The following ZBTB20 variants were observed in gnomAD, a reference collection of about 807,000 sequenced individuals.
ZBTB20 encodes zinc finger and BTB domain-containing protein 20.
In ZBTB20, 9 loss-of-function variants were observed where a neutral mutation model predicts 56.9. The observed-to-expected ratio is 0.16, with a 90% confidence interval of 0.10 to 0.28. The LOEUF is 0.28. ZBTB20 is among the 10% of genes least tolerant of loss of function. The pLI, the probability that ZBTB20 is intolerant of heterozygous loss-of-function variation, is 1.00. For missense variants in ZBTB20, 655 were observed against 1,003.0 expected, an observed-to-expected ratio of 0.65 and a Z score of 4.69; for synonymous variants, 417 against 420.7, an observed-to-expected ratio of 0.99 and a Z score of 0.11.
At chr3:114,710,003 ATG>A (rs2063959174) in intron 5 of ZBTB20, among the ~76,000 whole-genome samples, 1 of 152,098 alleles carries the variant, frequency 6.6e-6, no homozygotes, top group African/African-American at 2.4e-5. Context: ...TCACCTTCCT[ATG>A]AATTCACATT....
intron 2 of ZBTB20, among the ~76,000 whole-genome samples, chr3:114,978,437 A>ATTTTAGTGATAAATAAAATATTTTAGT (rs1553872729): frequency 1.5e-4 from 23 of 151,492 alleles, no homozygotes; most frequent in Admixed American, 9.9e-4. Context: ...AAAATATTTT[A>ATTTTAGTGATAAATAAAATATTTTAGT]GAATAGTGAA....
intron 4 of ZBTB20, among the ~76,000 whole-genome samples, chr3:114,895,167 A>G (rs1376884421): frequency 6.6e-6 from 1 of 152,188 alleles, no homozygotes; most frequent in Non-Finnish European, 1.5e-5. Context: ...TTTGCATAGA[A>G]GGAAATCAGA....
intron 3 of ZBTB20, among the ~76,000 whole-genome samples, chr3:114,939,261 C>T (rs923973748): frequency 1.9e-4 from 28 of 146,472 alleles, no homozygotes; most frequent in Admixed American, 1.1e-3. Context: ...CAAAGATGCT[C>T]ATCGCAGTCT....
chr3:114,904,379 A>G (rs2107681314), intron 3 of ZBTB20: 1 of 152,150 alleles, frequency 6.6e-6, no homozygotes, highest in Admixed American at 6.6e-5. Context: ...CTAAATTTAA[A>G]CAAAAAGAAT....
chr3:114,589,502 A>G (rs1230767454), intron 6 of ZBTB20, among the ~76,000 whole-genome samples: 1 of 152,132 alleles, frequency 6.6e-6, no homozygotes, highest in Non-Finnish European at 1.5e-5. Flanking sequence ...ATCTTTCCTG[A>G]CAACCTCAGG....
intron 10 of ZBTB20, chr3:114,366,755 T>C (rs963374655): frequency 3.3e-5 from 5 of 152,224 alleles, no homozygotes; most frequent in African/African-American, 1.2e-4. Flanking sequence ...TCTCCATGCA[T>C]TACCAAAAAC....
intron 1 of ZBTB20, among the ~76,000 whole-genome samples, chr3:115,077,675 A>T (rs530610822): frequency 6.6e-6 from 1 of 152,354 alleles, no homozygotes; most frequent in African/African-American, 2.4e-5. Context: ...AATTCAAATT[A>T]CAACCACAAT....
chr3:114,670,029 G>C (rs1353815323), intron 6 of ZBTB20, among the ~76,000 whole-genome samples: 2 of 152,010 alleles, frequency 1.3e-5, no homozygotes, highest in Admixed American at 6.6e-5. Context: ...TATGAATACA[G>C]CTAAAATTCA....
intron 7 of ZBTB20, among the ~76,000 whole-genome samples, chr3:114,441,078 T>A (rs560878706): frequency 6.6e-6 from 1 of 152,310 alleles, no homozygotes; most frequent in South Asian, 2.1e-4. Context: ...TGTCGATTAT[T>A]TGTGTGACTA....
chr3:114,412,752 C>A (rs1291705801), intron 7 of ZBTB20, among the ~76,000 whole-genome samples: 3 of 152,152 alleles, frequency 2.0e-5, no homozygotes, highest in Non-Finnish European at 4.4e-5. Context: ...TTTAGTGGAA[C>A]AAATTGGCTC....
At chr3:115,035,544 A>AACACACACACACACACACACAC (rs111286494) in intron 2 of ZBTB20, among the ~76,000 whole-genome samples, 10 of 147,858 alleles carry the variant, frequency 6.8e-5, no homozygotes, top group African/African-American at 2.5e-4. Flanking sequence ...GCTACTATCA[A>AACACACACACACACACACACAC]ACACACACAC....
chr3:114,744,887 G>C (rs1386526060), intron 5 of ZBTB20, among the ~76,000 whole-genome samples: 1 of 151,844 alleles, frequency 6.6e-6, no homozygotes, highest in Non-Finnish European at 1.5e-5. Context: ...TGTGTGCAAA[G>C]AGCCTAGAAA....
At position 114,566,956 on chromosome 3, in the gene ZBTB20, G is replaced by C. The variant is rs146013434; in HGVS notation, c.-294-66565C>G. Among the ~76,000 whole-genome samples the C allele has an allele frequency of 3.0e-3, 461 of 152,280 alleles. 11 individuals carry two copies. Among genetic ancestry groups the C allele is most frequent in the Admixed American group, 0.026 (405 of 15,298 alleles). ...CCTGGCTGTGATGTGATCTATTCCA[G>C]TAGGCTTTTATGAGCTGTTCATTCC... On this transcript the variant is annotated intron_variant, in intron 6 of 11. Coordinates refer to ENST00000675478, the MANE Select transcript of ZBTB20 (RefSeq NM_001348800.3).
In ZBTB20 at chr3:114,945,298, A is replaced by C. The variant is rs1282104272; in HGVS notation, c.-456+29068T>G. On this transcript the variant is annotated intron_variant, in intron 3 of 11. Transcript: ENST00000675478. ...AATACTAATAGGTATCTTTCAAGTA[A>C]AAGGAAAAGCATCTCAGACAATGAT... 1.4e-5 allele frequency among the ~76,000 whole-genome samples: 2 copies of C among 145,496 alleles called. 1 individual carries two copies. The highest frequency in any genetic ancestry group is 5.6e-5 in the African/African-American group (2 of 35,902).
chr3:115,079,548 C>G (rs1361962213), intron 1 of ZBTB20, among the ~76,000 whole-genome samples: 1 of 152,012 alleles, frequency 6.6e-6, no homozygotes, highest in Non-Finnish European at 1.5e-5. Context: ...GCCACCACAC[C>G]CAGGTAATTT....
intron 5 of ZBTB20, among the ~76,000 whole-genome samples, chr3:114,697,073 AAAAG>A (rs1339972838): frequency 7.3e-6 from 1 of 137,190 alleles, no homozygotes; most frequent in Non-Finnish European, 1.6e-5. Context: ...AAAAAAAAAA[AAAAG>A]AAGAAGAAAG....
intron 8 of ZBTB20, among the ~76,000 whole-genome samples, chr3:114,384,308 G>A (rs1292360366): frequency 1.3e-5 from 2 of 152,012 alleles, no homozygotes; most frequent in African/African-American, 4.8e-5. Flanking sequence ...AAGGAAAAGG[G>A]GGCTGGTGAC....
At chr3:114,931,798 A>T (rs2076371331) in intron 3 of ZBTB20, among the ~76,000 whole-genome samples, 1 of 152,000 alleles carries the variant, frequency 6.6e-6, no homozygotes, top group Non-Finnish European at 1.5e-5. Context: ...TTCACTTTTA[A>T]TTTGTAATAA....
At chr3:114,748,327 T>TTTC (rs1560202027) in intron 5 of ZBTB20, among the ~76,000 whole-genome samples, 2 of 99,048 alleles carry the variant, frequency 2.0e-5, no homozygotes, top group African/African-American at 7.5e-5. Context: ...TCTTTCTTTC[T>TTTC]TTCTTTCTTC....
Sources: allele counts gnomAD v4.1 joint callset (sites outside exome capture counted in the v4.1 genomes callset), GRCh38; gene constraint gnomAD v4.1.1; transcripts MANE v1.5; gene names NCBI Gene and HGNC (gene_info 2026-07-23, HGNC 2026-07-21).